MARCHF1: variants seen among roughly 807,000 people sequenced by gnomAD.
MARCHF1 encodes E3 ubiquitin-protein ligase MARCHF1.
A neutral mutation model predicts 54.2 loss-of-function variants in MARCHF1; 40 were observed. That is an observed-to-expected ratio of 0.74 (90% CI 0.57 to 0.96). The LOEUF (loss-of-function observed/expected upper bound fraction) is 0.96, where lower values mean the gene tolerates loss of function less well. Among genes scored for constraint, MARCHF1 ranks in the 40% least tolerant of loss-of-function variants. MARCHF1 has a pLI of 0.00. For missense variants in MARCHF1, 586 were observed against 656.5 expected, an observed-to-expected ratio of 0.89 and a Z score of 1.17; for synonymous variants, 236 against 236.3, an observed-to-expected ratio of 1.00 and a Z score of 0.01.
In MARCHF1 at chr4:163,817,769, T is replaced by C. The variant is rs183709296; in HGVS notation, c.111+36252A>G. Among the ~76,000 whole-genome samples the C allele has an allele frequency of 3.2e-3, 482 of 152,032 alleles. 3 individuals carry two copies. Among genetic ancestry groups the C allele is most frequent in the African/African-American group, 0.011 (459 of 41,458 alleles). ...AATGTGGCACATATACACCACGGAATACTATGCAGCCATAAAAAAGGATGA... is the reference window on the plus strand; with the variant it reads ...AATGTGGCACATATACACCACGGAACACTATGCAGCCATAAAAAAGGATGA... On this transcript the variant is annotated intron_variant, in intron 4 of 9. Coordinates refer to ENST00000514618, the MANE Select transcript of MARCHF1 (RefSeq NM_001394959.1).
At chr4:164,149,531 G>A (rs1179309145) in intron 1 of MARCHF1, among the ~76,000 whole-genome samples, 1 of 152,120 alleles carries the variant, frequency 6.6e-6, no homozygotes, top group African/African-American at 2.4e-5. Context: ...AGAAATGACT[G>A]CTTTTCAGAG....
chr4:163,627,097 T>A (rs1371075140), intron 5 of MARCHF1, among the ~76,000 whole-genome samples: 1 of 152,216 alleles, frequency 6.6e-6, no homozygotes, highest in Non-Finnish European at 1.5e-5. Context: ...GATGACCTGG[T>A]CTAACCCTCA....
chr4:164,253,626 C>A (rs1733186698), intron 1 of MARCHF1, among the ~76,000 whole-genome samples: 1 of 151,904 alleles, frequency 6.6e-6, no homozygotes, highest in Non-Finnish European at 1.5e-5. Context: ...CTATATTTTC[C>A]TATATTTGTT....
At chr4:163,673,410 T>C (rs186604964) in intron 5 of MARCHF1, among the ~76,000 whole-genome samples, 62 of 152,322 alleles carry the variant, frequency 4.1e-4, no homozygotes, top group Admixed American at 8.5e-4. Context: ...CACTAGGCTT[T>C]TATTTTGTTA....
At chr4:164,252,509 T>C (rs1733157822) in intron 1 of MARCHF1, among the ~76,000 whole-genome samples, 2 of 152,116 alleles carry the variant, frequency 1.3e-5, no homozygotes, top group South Asian at 2.1e-4. Flanking sequence ...CTGTGCGTCA[T>C]GCTCAGCACC....
chr4:164,322,678 A>T (rs80054164), intron 1 of MARCHF1, among the ~76,000 whole-genome samples: 2,578 of 152,186 alleles, frequency 0.017, 68 homozygotes, highest in African/African-American at 0.058. Context: ...CATCTCATGC[A>T]TCCCATAAGT....
chr4:163,570,284 A>G (rs1397895437), intron 8 of MARCHF1, among the ~76,000 whole-genome samples: 4 of 152,134 alleles, frequency 2.6e-5, no homozygotes, highest in African/African-American at 9.7e-5. Context: ...TGGTAAGAAC[A>G]AAACAGTGAA....
At chr4:163,556,213 G>T (rs1286276192) in intron 8 of MARCHF1, among the ~76,000 whole-genome samples, 2 of 152,028 alleles carry the variant, frequency 1.3e-5, no homozygotes, top group African/African-American at 4.8e-5. Context: ...CTTATATTAG[G>T]GTCCCAATTG....
At chr4:164,188,332 G>A in intron 1 of MARCHF1, 1 of 405,742 alleles carries the variant, frequency 2.5e-6, no homozygotes. Context: ...GCTGCGGCCG[G>A]TGGCTTCATT....
chr4:164,272,755 C>T (rs1002097073), intron 1 of MARCHF1, among the ~76,000 whole-genome samples: 1 of 151,464 alleles, frequency 6.6e-6, no homozygotes, highest in African/African-American at 2.4e-5. Flanking sequence ...ATTCTTATAG[C>T]TACATTATAT....
intron 5 of MARCHF1, among the ~76,000 whole-genome samples, chr4:163,654,332 A>C (rs1561000583): frequency 1.3e-5 from 2 of 151,636 alleles, no homozygotes; most frequent in Non-Finnish European, 3.0e-5. Flanking sequence ...GAAAAAAGGA[A>C]AATTTGGGGC....
intron 1 of MARCHF1, among the ~76,000 whole-genome samples, chr4:164,142,227 C>A (rs890800783): frequency 6.6e-6 from 1 of 152,166 alleles, no homozygotes; most frequent in East Asian, 1.9e-4. Context: ...AACTGCAAGG[C>A]CGCAGCCAGG....
intron 1 of MARCHF1, chr4:164,188,865 A>G (rs1446824899): frequency 1.3e-5 from 10 of 780,560 alleles, no homozygotes; most frequent in Non-Finnish European, 2.1e-5. Context: ...TATTTGAGAA[A>G]GAAGTTTACC....
At chr4:164,217,453 C>A (rs1269201523) in intron 1 of MARCHF1, among the ~76,000 whole-genome samples, 1 of 152,094 alleles carries the variant, frequency 6.6e-6, no homozygotes, top group African/African-American at 2.4e-5. Context: ...TCTATATAAG[C>A]CTTTGGGAAA....
At chr4:163,717,262 T>C (rs1579221432) in intron 4 of MARCHF1, among the ~76,000 whole-genome samples, 1 of 150,598 alleles carries the variant, frequency 6.6e-6, no homozygotes, top group East Asian at 2.0e-4. Context: ...TTTTTTGTCC[T>C]TGCGATAGTT....
chr4:164,347,037 C>A (rs1730127253), intron 1 of MARCHF1, among the ~76,000 whole-genome samples: 1 of 152,152 alleles, frequency 6.6e-6, no homozygotes, highest in Admixed American at 6.5e-5. Context: ...TCCCCTCCAA[C>A]TGAGTGTTTG....
chr4:163,586,413 A>T (rs1740415530), intron 7 of MARCHF1, among the ~76,000 whole-genome samples: 1 of 152,190 alleles, frequency 6.6e-6, no homozygotes. Flanking sequence ...CCTACCCAAA[A>T]TATCTCATTA....
intron 1 of MARCHF1, among the ~76,000 whole-genome samples, chr4:164,163,492 A>G (rs919674439): frequency 3.9e-4 from 59 of 152,150 alleles, no homozygotes; most frequent in African/African-American, 1.4e-3. Context: ...AAACTAGTAG[A>G]GGAAAATACC....
rs565676870 is a variant in MARCHF1 at position 163,768,233 on chromosome 4, C to A, written c.112-67370G>T. On this transcript the variant is annotated intron_variant, in intron 4 of 9. Coordinates refer to ENST00000514618, the MANE Select transcript of MARCHF1 (RefSeq NM_001394959.1). ...AAGCATTTAGCTTTCAATTTAACTT[C>A]TCCTTCTCAGTTGGAGATCCTCACT... 4.6e-5 allele frequency among the ~76,000 whole-genome samples: 7 copies of A among 152,220 alleles called. No homozygotes were observed. The South Asian group carries it at 1.0e-3, about 23-fold the overall frequency.
Sources: gnomAD v4.1 joint callset for allele counts (sites outside exome capture counted in the v4.1 genomes callset) on GRCh38, gnomAD v4.1.1 for gene constraint, MANE v1.5 for transcripts, NCBI Gene and HGNC (gene_info 2026-07-23, HGNC 2026-07-21) for gene names.